BAZ1A: variants seen among roughly 807,000 people sequenced by gnomAD.
BAZ1A encodes bromodomain adjacent to zinc finger domain 1A, also known as bromodomain adjacent to zinc finger domain protein 1A.
A neutral mutation model predicts 185.2 loss-of-function variants in BAZ1A; 50 were observed. That is an observed-to-expected ratio of 0.27 (90% CI 0.22 to 0.34). The LOEUF (loss-of-function observed/expected upper bound fraction) is 0.34, where lower values mean the gene tolerates loss of function less well. BAZ1A is among the 10% of genes least tolerant of loss of function. BAZ1A has a pLI of 1.00. For missense variants in BAZ1A, 1,356 were observed against 1,839.9 expected, an observed-to-expected ratio of 0.74 and a Z score of 4.81; for synonymous variants, 571 against 615.6, an observed-to-expected ratio of 0.93 and a Z score of 1.07.
chr14:34,825,520 C>T (rs2042154480), intron 4 of BAZ1A, among the ~76,000 whole-genome samples: 2 of 140,548 alleles, frequency 1.4e-5, no homozygotes, highest in South Asian at 2.3e-4. Flanking sequence ...GGCTCTTCAA[C>T]AGCTGAGTAG....
chr14:34,769,068 T>C (rs1412945361), intron 21 of BAZ1A, among the ~76,000 whole-genome samples: 1 of 152,174 alleles, frequency 6.6e-6, no homozygotes, highest in African/African-American at 2.4e-5. Flanking sequence ...TGAAGCTAAA[T>C]TGGGAAAATG....
At chr14:34,844,613 C>CA (rs369573959) in intron 3 of BAZ1A, among the ~76,000 whole-genome samples, 32,667 of 141,882 alleles carry the variant, frequency 0.23, 3,800 homozygotes, top group Non-Finnish European at 0.28. Flanking sequence ...CCTGTTTCTA[C>CA]AAAAAAAAAA....
Position 34,800,237 on chromosome 14 carries a change from A to G in BAZ1A, c.1115T>C (p.Val372Ala). 7.1e-7 allele frequency: 1 copy of G among 1,413,076 alleles called. No homozygotes were observed. The allele number at this position is 1,413,076 out of a possible 1,614,324, so 87.5% of individuals were successfully genotyped here. The change falls in exon 9 of 27, where the codon GTA (valine) becomes GCA (alanine). Residue 372 changes from valine (V) to alanine (A), a missense_variant. Val to Ala is a moderately conservative substitution (Grantham distance 64). This residue lies in a region of BAZ1A where 184 missense variants were observed against 355.1 expected (regional missense o/e 0.52). Transcript: ENST00000360310. ...KKKEEKERLK[V>A]EREKEREKLR... is the part of the protein sequence containing the mutation. ...TCAAATGAATACCTTTTCTCTTTCT[A>G]CTTTAAGCCTCTCTTTTTCTTCTTT...
At position 34,874,776 on chromosome 14, in the gene BAZ1A, G is replaced by C. The variant is rs1027596194; in HGVS notation, c.-58-114C>G. ...CTGCCTTTTGTGTGACTGACGCGCC[G>C]CGGCCGCTACCGGAGCCGAGTTCGT... On this transcript the variant is annotated intron_variant, in intron 1 of 26. Transcript: ENST00000360310. The surrounding 1 kb of genome is among the most constrained non-coding windows in gnomAD (Gnocchi z 4.7). 6.5e-4 allele frequency: 346 copies of C among 530,992 alleles called. No individual in the cohort carries two copies. Among genetic ancestry groups the C allele is most frequent in the Admixed American group, 1.3e-3 (33 of 24,938 alleles). 32.9% of individuals were successfully genotyped at this position (530,992 alleles called of 1,614,324 possible). A position where few individuals can be genotyped will look rare whatever the true frequency, so the allele number is the denominator to read the frequency against.
intron 4 of BAZ1A, among the ~76,000 whole-genome samples, chr14:34,814,645 A>T (rs1465463647): frequency 6.8e-6 from 1 of 146,958 alleles, no homozygotes; most frequent in Non-Finnish European, 1.5e-5. Flanking sequence ...AATTTTTTGT[A>T]TTTTTTTTTT....
intron 4 of BAZ1A, among the ~76,000 whole-genome samples, chr14:34,817,232 C>A (rs2042019673): frequency 6.8e-6 from 1 of 148,132 alleles, no homozygotes; most frequent in Admixed American, 6.7e-5. Flanking sequence ...ATCAATACAC[C>A]CCCCCCCAAA....
At chr14:34,833,293 C>A (rs546384204) in intron 3 of BAZ1A, among the ~76,000 whole-genome samples, 1 of 152,196 alleles carries the variant, frequency 6.6e-6, no homozygotes, top group South Asian at 2.1e-4. Flanking sequence ...CTTTGGGAGA[C>A]CGAGGCGGGT....
intron 2 of BAZ1A, among the ~76,000 whole-genome samples, chr14:34,863,154 T>A (rs1327117829): frequency 2.6e-4 from 6 of 23,274 alleles, no homozygotes; most frequent in Non-Finnish European, 6.8e-4. Context: ...ACGCTCGGCT[T>A]TTTTTTTTTT....
intron 4 of BAZ1A, among the ~76,000 whole-genome samples, chr14:34,816,453 C>T (rs1422188356): frequency 6.6e-6 from 1 of 152,122 alleles, no homozygotes; most frequent in Non-Finnish European, 1.5e-5. Context: ...GGATAGGTAA[C>T]CAAAAGTGTA....
rs2042213239 is a variant in BAZ1A at position 34,829,711 on chromosome 14, T to G, written c.393-3555A>C. ...TTGTATTAGTTGTCTTAATCTTCTG[T>G]AAACCATTATCCACCCCCTTACTAA... On this transcript the variant is annotated intron_variant, in intron 3 of 26. Coordinates refer to ENST00000360310, the MANE Select transcript of BAZ1A (RefSeq NM_013448.3). 2.6e-5 allele frequency among the ~76,000 whole-genome samples: 4 copies of G among 152,214 alleles called. No individual in the cohort carries two copies. The South Asian group carries it at 8.3e-4, about 32-fold the overall frequency.
intron 3 of BAZ1A, among the ~76,000 whole-genome samples, chr14:34,855,172 T>C (rs935309278): frequency 9.2e-5 from 14 of 152,218 alleles, no homozygotes; most frequent in African/African-American, 3.1e-4. Flanking sequence ...AAGGTTTCTC[T>C]GTACATGGTT....
At chr14:34,856,462 A>G (rs908078291) in intron 3 of BAZ1A, among the ~76,000 whole-genome samples, 3 of 151,826 alleles carry the variant, frequency 2.0e-5, no homozygotes, top group Non-Finnish European at 4.4e-5. Context: ...TCATTTTTTA[A>G]TTTTTGTAGA....
chr14:34,868,296 A>C (rs568611018), intron 2 of BAZ1A, among the ~76,000 whole-genome samples: 1 of 152,334 alleles, frequency 6.6e-6, no homozygotes, highest in Admixed American at 6.5e-5. Context: ...CTTTGCGGAA[A>C]AAATTTGATG....
At chr14:34,768,770 TTC>T (rs1201494369) in intron 21 of BAZ1A, 1 of 432,030 alleles carries the variant, frequency 2.3e-6, no homozygotes, top group East Asian at 7.1e-5. Context: ...CCTTATTAAT[TTC>T]TGTTTTACCT....
At chr14:34,873,489 G>C (rs1318135447) in intron 2 of BAZ1A, among the ~76,000 whole-genome samples, 1 of 152,174 alleles carries the variant, frequency 6.6e-6, no homozygotes, top group African/African-American at 2.4e-5. Context: ...TGAAAATGTA[G>C]GAGCTGTAAC....
At chr14:34,826,230 T>C in intron 3 of BAZ1A, 74 bp from the exon 4 acceptor site, 2 of 1,498,644 alleles carry the variant, frequency 1.3e-6, no homozygotes, top group Non-Finnish European at 1.8e-6. Flanking sequence ...AGCAATCGAA[T>C]TGTTTTGAAC....
At chr14:34,786,934 C>A (rs1880496116) in intron 12 of BAZ1A, among the ~76,000 whole-genome samples, 1 of 151,674 alleles carries the variant, frequency 6.6e-6, no homozygotes, top group Non-Finnish European at 1.5e-5. Flanking sequence ...AAGATTAAGT[C>A]ATAACAAAGT....
At chr14:34,854,594 T>C (rs947996882) in intron 3 of BAZ1A, among the ~76,000 whole-genome samples, 3 of 152,128 alleles carry the variant, frequency 2.0e-5, no homozygotes, top group African/African-American at 4.8e-5. Context: ...CCATATTCTA[T>C]AGCAATTCAA....
At chr14:34,787,456 G>C (rs150089494) in intron 12 of BAZ1A, among the ~76,000 whole-genome samples, 1 of 151,162 alleles carries the variant, frequency 6.6e-6, no homozygotes, top group Non-Finnish European at 1.5e-5. Flanking sequence ...AGGCTGAGGC[G>C]GGCAGATCAC....
Sources: allele counts gnomAD v4.1 joint callset (sites outside exome capture counted in the v4.1 genomes callset), GRCh38; gene constraint gnomAD v4.1.1; regional missense constraint gnomAD v4.1.1; non-coding constraint Gnocchi (gnomAD v3.1); transcripts MANE v1.5; gene names NCBI Gene and HGNC (gene_info 2026-07-23, HGNC 2026-07-21).